ACOXL: variants seen among roughly 807,000 people sequenced by gnomAD.
The protein encoded by ACOXL is acyl-coenzyme A oxidase-like protein.
In ACOXL, 70 loss-of-function variants were observed where a neutral mutation model predicts 71.9. The observed-to-expected ratio is 0.97, with a 90% confidence interval of 0.80 to 1.19. The LOEUF is 1.19. Ranked by LOEUF, ACOXL falls within the 50% of genes most tolerant of loss-of-function variation. ACOXL has a pLI of 0.00. For synonymous variants in ACOXL, 253 were observed against 281.6 expected (o/e 0.90, Z 1.02); for missense variants, 703 against 736.3 (o/e 0.95, Z 0.52).
intron 12 of ACOXL, among the ~76,000 whole-genome samples, chr2:110,934,402 C>A (rs535536643): frequency 6.6e-6 from 1 of 152,276 alleles, no homozygotes; most frequent in East Asian, 1.9e-4. Flanking sequence ...CCAGACCACA[C>A]CCCCAGAGGA....
chr2:110,963,840 G>A, intron 12 of ACOXL: 4 of 1,313,424 alleles, frequency 3.0e-6, no homozygotes, highest in Non-Finnish European at 4.1e-6. Flanking sequence ...CTTGATATTT[G>A]TTGTAGCTGA....
chr2:110,875,118 G>T (rs920698491), intron 10 of ACOXL, among the ~76,000 whole-genome samples: 1 of 152,214 alleles, frequency 6.6e-6, no homozygotes, highest in African/African-American at 2.4e-5. Context: ...GCAGGCCAAT[G>T]ACGCAGCACA....
intron 11 of ACOXL, among the ~76,000 whole-genome samples, chr2:110,915,728 A>C (rs905047461): frequency 6.6e-6 from 1 of 151,930 alleles, no homozygotes. Flanking sequence ...GTACCTGGCC[A>C]TATTATATAT....
intron 1 of ACOXL, among the ~76,000 whole-genome samples, chr2:110,767,808 G>A (rs1175453704): frequency 1.3e-5 from 2 of 152,132 alleles, no homozygotes; most frequent in African/African-American, 4.8e-5. Flanking sequence ...GGTCTTGGCC[G>A]GGCGCGGTGG....
At chr2:110,924,740 C>T (rs566049551) in intron 11 of ACOXL, among the ~76,000 whole-genome samples, 4 of 135,484 alleles carry the variant, frequency 3.0e-5, no homozygotes, top group Non-Finnish European at 6.6e-5. Context: ...GTTGGAACAT[C>T]AACTTCTTCT....
chr2:110,959,202 T>C (rs1319825421), intron 12 of ACOXL, among the ~76,000 whole-genome samples: 1 of 152,196 alleles, frequency 6.6e-6, no homozygotes, highest in African/African-American at 2.4e-5. Context: ...TCCATGTGGC[T>C]CTGCACTCAG....
At chr2:111,017,504 G>A (rs965554895) in intron 14 of ACOXL, among the ~76,000 whole-genome samples, 6 of 152,250 alleles carry the variant, frequency 3.9e-5, no homozygotes, top group Admixed American at 3.3e-4. Context: ...CAAGTGGGGA[G>A]CAGTGGCCTT....
rs1225889982 is a variant in ACOXL, at chr2:111,108,371, C to CTTT, written c.1543-9224_1543-9222dup. On this transcript the variant is annotated intron_variant, in intron 17 of 17. Transcript: ENST00000439055. ...TTTATATACATTGAAGTGCATGAAT[C>CTTT]TTTTTTTTTTTTTTTTTTTTTTTGG... 6.2e-4 allele frequency among the ~76,000 whole-genome samples: 44 copies of CTTT among 71,038 alleles called. 8 individuals carry two copies. The highest frequency in any genetic ancestry group is 4.5e-3 in the South Asian group (8 of 1,768). The allele number at this position is 71,038 out of a possible 152,430, so 46.6% of individuals were successfully genotyped here. A position where few individuals can be genotyped will look rare whatever the true frequency, so the allele number is the denominator to read the frequency against.
chr2:110,824,573 A>G (rs568356536), intron 9 of ACOXL, among the ~76,000 whole-genome samples: 5 of 151,462 alleles, frequency 3.3e-5, no homozygotes, highest in Admixed American at 1.3e-4. Context: ...AGCTCACTGA[A>G]TTTTTCCTTT....
intron 16 of ACOXL, among the ~76,000 whole-genome samples, chr2:111,063,761 G>T (rs1235304660): frequency 6.6e-6 from 1 of 152,154 alleles, no homozygotes; most frequent in African/African-American, 2.4e-5. Flanking sequence ...GTAGTACTAG[G>T]AGTTCTAGCC....
At chr2:111,082,325 A>G (rs2067969316) in intron 16 of ACOXL, among the ~76,000 whole-genome samples, 1 of 145,086 alleles carries the variant, frequency 6.9e-6, no homozygotes, top group African/African-American at 2.6e-5. Context: ...AATTTACAAG[A>G]AAAAAAAAAA....
chr2:111,105,498 T>C (rs2069477673), intron 17 of ACOXL, among the ~76,000 whole-genome samples: 1 of 152,144 alleles, frequency 6.6e-6, no homozygotes, highest in South Asian at 2.1e-4. Flanking sequence ...TCTACACTGA[T>C]TTATTTCGTC....
chr2:110,784,658 C>T, intron 2 of ACOXL, 74 bp from the exon 3 acceptor site: 1 of 1,170,076 alleles, frequency 8.5e-7, no homozygotes, highest in Non-Finnish European at 1.2e-6. Flanking sequence ...ACATGCATTT[C>T]TTATAAAAAC....
intron 2 of ACOXL, among the ~76,000 whole-genome samples, chr2:110,776,388 T>C (rs890250613): frequency 3.3e-5 from 5 of 152,162 alleles, no homozygotes; most frequent in Non-Finnish European, 7.3e-5. Context: ...TGCCAGAGAA[T>C]TGTACACCTA....
At chr2:111,095,391 C>CTTTTTTTT (rs780172456) in intron 17 of ACOXL, among the ~76,000 whole-genome samples, 106 of 116,538 alleles carry the variant, frequency 9.1e-4, no homozygotes, top group Non-Finnish European at 1.3e-3. Context: ...TTTTCTTTTT[C>CTTTTTTTT]TTTTTTTTTT....
intron 9 of ACOXL, among the ~76,000 whole-genome samples, chr2:110,820,278 G>A (rs996304429): frequency 4.7e-4 from 72 of 151,800 alleles, no homozygotes; most frequent in African/African-American, 1.7e-3. Context: ...ATGGGAAAGA[G>A]GAAGTGAGAG....
chr2:110,996,603 CT>C (rs1391757794), intron 14 of ACOXL, among the ~76,000 whole-genome samples: 2 of 152,222 alleles, frequency 1.3e-5, no homozygotes, highest in African/African-American at 4.8e-5. Flanking sequence ...GGCTTTACTG[CT>C]CCTATTCTAT....
intron 12 of ACOXL, chr2:110,963,547 TG>T: frequency 1.3e-6 from 2 of 1,545,880 alleles, no homozygotes; most frequent in Non-Finnish European, 1.8e-6. Flanking sequence ...TATGTAGTGA[TG>T]GGATCGCAAA....
chr2:111,052,969 C>T (rs2066367238), intron 16 of ACOXL, among the ~76,000 whole-genome samples: 1 of 152,168 alleles, frequency 6.6e-6, no homozygotes, highest in Non-Finnish European at 1.5e-5. Flanking sequence ...CCTCCATCTC[C>T]CTCTGTCCCA....
Sources: allele counts gnomAD v4.1 joint callset (sites outside exome capture counted in the v4.1 genomes callset), GRCh38; gene constraint gnomAD v4.1.1; transcripts MANE v1.5; gene names NCBI Gene and HGNC (gene_info 2026-07-23, HGNC 2026-07-21).